COL27A1: variants seen among roughly 807,000 people sequenced by gnomAD.
The protein encoded by COL27A1 is collagen type XXVII alpha 1 chain, also known as collagen alpha-1(XXVII) chain.
In COL27A1, 106 loss-of-function variants were observed where a neutral mutation model predicts 251.3. The ratio of observed to expected loss-of-function variants is 0.42; its 90% CI spans 0.36 to 0.50. COL27A1 has a LOEUF of 0.50. Among genes scored for constraint, COL27A1 ranks in the 20% least tolerant of loss-of-function variants. The probability of loss-of-function intolerance (pLI) is 0.00; values close to 1 mark genes in which losing one functional copy is unlikely to be tolerated. For missense variants in COL27A1, 2,325 were observed against 2,522.8 expected, an observed-to-expected ratio of 0.92 and a Z score of 1.68; for synonymous variants, 1,000 against 986.3, an observed-to-expected ratio of 1.01 and a Z score of -0.26.
At chr9:114,293,677 T>C (rs1828071532) in intron 49 of COL27A1, among the ~76,000 whole-genome samples, 1 of 151,930 alleles carries the variant, frequency 6.6e-6, no homozygotes, top group Non-Finnish European at 1.5e-5. Context: ...GTATCAGGGA[T>C]AGGGGAGCAA....
In COL27A1 at chr9:114,306,656, A is replaced by G; in HGVS notation, c.5075A>G (p.Asp1692Gly). Residue 1692 changes from aspartate (D) to glycine (G), a missense_variant, in exon 58 of 61, where the codon GAC becomes GGC. Around this residue, in one of 4 missense-constraint regions of COL27A1, gnomAD observed 327 missense variants for 442.8 expected, o/e 0.74. Transcript: ENST00000356083. ...GAGAACCCCGCCCGGGTCTGCAGGG[A>G]CCTCATGGACTGTGAGCAGAAGATG... ...TKENPARVCR[D>G]LMDCEQKMVD... 1 of 1,614,048 alleles carries G rather than the reference A, an allele frequency of 6.2e-7. No individual in the cohort carries two copies.
At chr9:114,301,175 G>A in intron 52 of COL27A1, 50 bp downstream of exon 52, 1 of 1,612,436 alleles carries the variant, frequency 6.2e-7, no homozygotes, top group Non-Finnish European at 8.5e-7. Context: ...TTGCCTTCCT[G>A]GCTCCAGATT....
intron 3 of COL27A1, among the ~76,000 whole-genome samples, chr9:114,173,676 C>A (rs79613219): frequency 6.7e-5 from 10 of 150,306 alleles, no homozygotes; most frequent in African/African-American, 2.5e-4. Flanking sequence ...TTTCCAGGGT[C>A]GTTACATGGA....
At chr9:114,283,791 C>A (rs370342486) in intron 40 of COL27A1, 29 bp downstream of exon 40, 3 of 1,611,638 alleles carry the variant, frequency 1.9e-6, no homozygotes, top group Non-Finnish European at 1.7e-6. Flanking sequence ...ACCCCACCCC[C>A]CGACTCTGTC....
intron 37 of COL27A1, among the ~76,000 whole-genome samples, chr9:114,280,741 T>G (rs1835851393): frequency 6.6e-6 from 1 of 152,228 alleles, no homozygotes; most frequent in African/African-American, 2.4e-5. Flanking sequence ...GGGCCACTGT[T>G]CCTGCCTTTC....
At position 114,309,380 on chromosome 9, in the gene COL27A1, A is replaced by T; in HGVS notation, c.5338A>T (p.Thr1780Ser). ...MTVWQEGTGQ[T>S]PAKQAVRFRA... is the part of the protein sequence containing the mutation. ...CGTGTGGCAGGAGGGCACTGGGCAG[A>T]CCCCAGCCAAGCAGGCCGTACGCTT... The change falls in exon 60 of 61, where the codon ACC (threonine) becomes TCC (serine). Residue 1780 changes from threonine to serine, a missense_variant. This residue lies in a region of COL27A1 where 327 missense variants were observed against 442.8 expected (regional missense o/e 0.74). Transcript: ENST00000356083. 6.2e-7 allele frequency: 1 copy of T among 1,613,948 alleles called. No individual in the cohort carries two copies. The highest frequency in any genetic ancestry group is 8.5e-7 in the Non-Finnish European group (1 of 1,180,002).
rs559834157 is a variant in COL27A1 at position 114,266,661 on chromosome 9, G to A, written c.3447+43G>A. ...TTATTCGTCCCATGATGCTGCTGGG[G>A]ATGTATCAGCCCTTCCCTTCCCTCC... On this transcript the variant is annotated intron_variant, in intron 33 of 60. Transcript: ENST00000356083. 3.0e-5 allele frequency: 47 copies of A among 1,550,876 alleles called. No individual in the cohort carries two copies. In the Admixed American group the frequency reaches 6.0e-4, roughly 20 times the overall value.
At chr9:114,178,413 G>A in intron 4 of COL27A1, 69 bp downstream of exon 4, 11 of 1,423,010 alleles carry the variant, frequency 7.7e-6, no homozygotes, top group Non-Finnish European at 1.1e-5. Flanking sequence ...TGCCCCTGAG[G>A]TCTCGGGTTT....
In COL27A1 at chr9:114,168,228, G is replaced by A. The variant is rs771709770; in HGVS notation, c.673G>A (p.Ala225Thr). 3.5e-5 allele frequency: 56 copies of A among 1,613,832 alleles called. 1 individual carries two copies. The Middle Eastern group carries it at 9.9e-4, about 28-fold the overall frequency. ...CAGTATCTACCCTGTGACGCAGGTC[G>A]CTCACAATTACTGTACCCACCTGAG... ...QFSIYPVTQV[A>T]HNYCTHLRKQ... The change falls in exon 3 of 61, where the codon GCT (alanine) becomes ACT (threonine). Residue 225 changes from alanine (A) to threonine (T), a missense_variant. Transcript: ENST00000356083.
intron 16 of COL27A1, among the ~76,000 whole-genome samples, chr9:114,232,688 A>C (rs1016588072): frequency 1.3e-5 from 2 of 152,102 alleles, no homozygotes; most frequent in Non-Finnish European, 2.9e-5. Context: ...TTCCTCCTAC[A>C]CCTGAGTCAT....
intron 17 of COL27A1, among the ~76,000 whole-genome samples, chr9:114,236,537 TC>T (rs1236777137): frequency 6.6e-6 from 1 of 152,108 alleles, no homozygotes; most frequent in Admixed American, 6.5e-5. Context: ...TCTGGAACTC[TC>T]CCGGCCAGTC....
intron 27 of COL27A1, among the ~76,000 whole-genome samples, chr9:114,256,154 T>G (rs1833906155): frequency 6.6e-6 from 1 of 152,218 alleles, no homozygotes. Flanking sequence ...TATCAATCAC[T>G]TTCACCTCCA....
intron 16 of COL27A1, among the ~76,000 whole-genome samples, chr9:114,232,551 G>A (rs1050916186): frequency 2.0e-5 from 3 of 152,224 alleles, no homozygotes; most frequent in Non-Finnish European, 4.4e-5. Flanking sequence ...CAGGACCCCC[G>A]AAGGGGGTGC....
rs568800668 is a variant in COL27A1, at chr9:114,200,092, A to G, written c.2124+4080A>G. 5.9e-5 allele frequency among the ~76,000 whole-genome samples: 9 copies of G among 152,312 alleles called. No homozygotes were observed. In the South Asian group the frequency reaches 1.9e-3, roughly 32 times the overall value. On this transcript the variant is annotated intron_variant, in intron 7 of 60. Coordinates refer to ENST00000356083, the MANE Select transcript of COL27A1 (RefSeq NM_032888.4). Reference sequence around the variant, plus strand: ...TGGGAGAGCACAGGGGTCATCTGGAAGTGTGTCTGGGGAAATGTGATGGAG... The same window carrying G: ...TGGGAGAGCACAGGGGTCATCTGGAGGTGTGTCTGGGGAAATGTGATGGAG...
At chr9:114,194,105 T>A (rs898748270) in intron 5 of COL27A1, among the ~76,000 whole-genome samples, 33 of 152,202 alleles carry the variant, frequency 2.2e-4, no homozygotes, top group South Asian at 4.2e-4. Flanking sequence ...CTCTGTGGGT[T>A]TGGCTGCTGA....
intron 13 of COL27A1, among the ~76,000 whole-genome samples, chr9:114,221,441 C>G (rs1166169862): frequency 6.6e-6 from 1 of 152,064 alleles, no homozygotes; most frequent in African/African-American, 2.4e-5. Context: ...ACAGAAAAGA[C>G]CTGATGTCCA....
At position 114,309,344 on chromosome 9, in the gene COL27A1, C is replaced by T; in HGVS notation, c.5302C>T (p.Leu1768Phe). 1 of 1,614,154 alleles carries T rather than the reference C, an allele frequency of 6.2e-7. No individual in the cohort carries two copies. The highest frequency in any genetic ancestry group is 8.5e-7 in the Non-Finnish European group (1 of 1,180,034). The change falls in exon 60 of 61, where the codon CTT becomes TTT. Residue 1768 changes from leucine to phenylalanine, a missense_variant. Leu to Phe is a conservative substitution (Grantham distance 22). Around this residue, in one of 4 missense-constraint regions of COL27A1, gnomAD observed 327 missense variants for 442.8 expected, o/e 0.74. Coordinates refer to ENST00000356083, the MANE Select transcript of COL27A1 (RefSeq NM_032888.4). ...EVTQHITIHC[L>F]NMTVWQEGTG... is the part of the protein sequence containing the mutation. ...GACCCAGCACATCACCATCCACTGC[C>T]TTAACATGACCGTGTGGCAGGAGGG...
chr9:114,159,698 G>A (rs1250450866), intron 1 of COL27A1, among the ~76,000 whole-genome samples: 2 of 152,170 alleles, frequency 1.3e-5, no homozygotes, highest in Admixed American at 6.5e-5. Context: ...GGGATGCAGG[G>A]TACAGCTCTT....
At chr9:114,191,881 A>G (rs1222349088) in intron 5 of COL27A1, among the ~76,000 whole-genome samples, 3 of 151,886 alleles carry the variant, frequency 2.0e-5, no homozygotes, top group Non-Finnish European at 4.4e-5. Flanking sequence ...GGATTAAATG[A>G]GTTAATATGT....
Sources: allele counts gnomAD v4.1 joint callset (sites outside exome capture counted in the v4.1 genomes callset), GRCh38; gene constraint gnomAD v4.1.1; regional missense constraint gnomAD v4.1.1; transcripts MANE v1.5; gene names NCBI Gene and HGNC (gene_info 2026-07-23, HGNC 2026-07-21).